ACSM2A: variants seen among roughly 807,000 people sequenced by gnomAD.
ACSM2A encodes the protein acyl-CoA synthetase medium chain family member 2A, also known as acyl-coenzyme A synthetase ACSM2A, mitochondrial.
A neutral mutation model predicts 76.6 loss-of-function variants in ACSM2A; 72 were observed. That is an observed-to-expected ratio of 0.94 (90% CI 0.78 to 1.14). ACSM2A has a LOEUF of 1.14. ACSM2A is among the 50% of genes most tolerant of loss of function. The pLI, the probability that ACSM2A is intolerant of heterozygous loss-of-function variation, is 0.00. For missense variants in ACSM2A, 684 were observed against 708.5 expected, an observed-to-expected ratio of 0.97 and a Z score of 0.39; for synonymous variants, 249 against 255.9, an observed-to-expected ratio of 0.97 and a Z score of 0.26.
At chr16:20,476,778 G>T in intron 8 of ACSM2A, 1 of 957,810 alleles carries the variant, frequency 1.0e-6, no homozygotes, top group Non-Finnish European at 1.3e-6. Context: ...TGTCAGTGAG[G>T]CATCCACCAC....
intron 10 of ACSM2A, among the ~76,000 whole-genome samples, chr16:20,480,267 A>G (rs1567375020): frequency 6.6e-6 from 1 of 152,224 alleles, no homozygotes; most frequent in Non-Finnish European, 1.5e-5. Flanking sequence ...TATCTATGAA[A>G]GGAGAGATGG....
At chr16:20,465,822 C>T (rs1672205340) in intron 3 of ACSM2A, 95 bp downstream of exon 3, 3 of 1,505,538 alleles carry the variant, frequency 2.0e-6, no homozygotes, top group Admixed American at 2.1e-5. Flanking sequence ...GAAGTCTCCT[C>T]CTTGGAGCAT....
intron 6 of ACSM2A, among the ~76,000 whole-genome samples, chr16:20,472,229 T>G (rs1313400466): frequency 6.6e-6 from 1 of 152,210 alleles, no homozygotes; most frequent in African/African-American, 2.4e-5. Context: ...TACCATAGTC[T>G]AGGTGGCTTA....
At chr16:20,485,486 G>A (rs148751903) in intron 13 of ACSM2A, among the ~76,000 whole-genome samples, 67 of 152,266 alleles carry the variant, frequency 4.4e-4, no homozygotes, top group African/African-American at 1.4e-3. Flanking sequence ...TCTACCCTTC[G>A]GGGCCCAAAT....
intron 11 of ACSM2A, 45 bp from the exon 12 acceptor site, chr16:20,480,777 G>C (rs1323765467): frequency 6.2e-7 from 1 of 1,613,770 alleles, no homozygotes; most frequent in South Asian, 1.1e-5. Flanking sequence ...GAATGGCCTA[G>C]AGGTTCGGTG....
At chr16:20,479,544 G>A (rs982670257) in intron 10 of ACSM2A, among the ~76,000 whole-genome samples, 12 of 152,244 alleles carry the variant, frequency 7.9e-5, no homozygotes, top group African/African-American at 2.9e-4. Context: ...TAAGTTGTGT[G>A]TCGTGAGTGT....
chr16:20,477,765 T>C (rs1239842487), intron 9 of ACSM2A, among the ~76,000 whole-genome samples: 2 of 152,176 alleles, frequency 1.3e-5, no homozygotes, highest in East Asian at 3.9e-4. Flanking sequence ...GTAACTAGCT[T>C]TTATCATTTA....
Position 20,471,158 on chromosome 16 carries a change from C to T in ACSM2A, c.682C>T (p.Pro228Ser). 1 of 1,613,042 alleles carries T rather than the reference C, an allele frequency of 6.2e-7. No individual in the cohort carries two copies. The highest frequency in any genetic ancestry group is 8.5e-7 in the Non-Finnish European group (1 of 1,179,202). ...IYFTSGTSGL[P>S]KMAEHSYSSL... is the part of the protein sequence containing the mutation. ...CTTCACTAGTGGGACCAGTGGTCTT[C>T]CCAAGATGGCAGAACATTCCTACTC... The change falls in exon 5 of 14, where the codon CCC becomes TCC. Residue 228 changes from proline to serine, a missense_variant. Pro to Ser is a moderately conservative substitution (Grantham distance 74). Transcript: ENST00000573854.
chr16:20,486,501 T>C (rs2014389122), intron 13 of ACSM2A, 73 bp from the exon 14 acceptor site: 5 of 1,544,724 alleles, frequency 3.2e-6, no homozygotes, highest in Non-Finnish European at 4.5e-6. Flanking sequence ...CCCCTCACCC[T>C]ACAGCAGTTC....
intron 1 of ACSM2A, 53 bp from the exon 2 acceptor site, chr16:20,460,054 G>C: frequency 6.5e-7 from 1 of 1,539,484 alleles, no homozygotes; most frequent in Non-Finnish European, 8.7e-7. Flanking sequence ...CTGATGATCA[G>C]TAGAGCAATC....
chr16:20,481,266 C>T (rs558712508), intron 12 of ACSM2A: 140 of 306,734 alleles, frequency 4.6e-4, no homozygotes, highest in African/African-American at 2.0e-3. Flanking sequence ...AGAAGATGTC[C>T]ACACTCCCAT....
Position 20,480,882 on chromosome 16 carries a change from G to A in ACSM2A, c.1470G>A (p.Glu490=), listed in dbSNP as rs1270137781. ...NALMEHPAVV[E]TAVISSPDPV... is the part of the protein sequence containing the mutation. ...TGATGGAGCACCCTGCTGTGGTTGAGACGGCTGTGATCAGCAGCCCAGACC... is the reference window on the plus strand; with the variant it reads ...TGATGGAGCACCCTGCTGTGGTTGAAACGGCTGTGATCAGCAGCCCAGACC... The change falls in exon 12 of 14, where the codon GAG becomes GAA. Residue 490 remains glutamate (E), a synonymous_variant. Transcript: ENST00000573854. 1 of 1,613,960 alleles carries A rather than the reference G, an allele frequency of 6.2e-7. No homozygotes were observed. The highest frequency in any genetic ancestry group is 1.7e-5 in the Admixed American group (1 of 60,012).
chr16:20,466,231 C>T (rs551001864), intron 3 of ACSM2A, among the ~76,000 whole-genome samples: 12 of 152,106 alleles, frequency 7.9e-5, no homozygotes, highest in East Asian at 7.7e-4. Context: ...ACTATTTGGC[C>T]CTTTGCAGAA....
In ACSM2A at chr16:20,469,631, G is replaced by C. The variant is rs757620051; in HGVS notation, c.508G>C (p.Val170Leu). The part of the protein sequence containing the change: ...GDEVIQEVDT[V>L]ASECPSLRIK... Reference sequence around the variant, plus strand: ...TGAAGTCATCCAAGAAGTGGACACAGTGGCATCTGAATGTCCTTCTCTGAG... The same window carrying C: ...TGAAGTCATCCAAGAAGTGGACACACTGGCATCTGAATGTCCTTCTCTGAG... The change falls in exon 4 of 14, where the codon GTG becomes CTG. Residue 170 changes from valine to leucine, a missense_variant. Val to Leu is a conservative substitution (Grantham distance 32, BLOSUM62 1). This residue lies in a region of ACSM2A where 519 missense variants were observed against 549.5 expected (regional missense o/e 0.94). Transcript: ENST00000573854. 1.2e-6 allele frequency: 2 copies of C among 1,613,928 alleles called. No homozygotes were observed. Among genetic ancestry groups the C allele is most frequent in the Non-Finnish European group, 1.7e-6 (2 of 1,179,834 alleles).
intron 1 of ACSM2A, chr16:20,452,170 C>T (rs1297822967): frequency 1.3e-5 from 2 of 151,772 alleles, no homozygotes; most frequent in African/African-American, 4.9e-5. Flanking sequence ...AGTGTTGATC[C>T]TGGATGTGTC....
chr16:20,481,254 CAAG>C (rs941698349), intron 12 of ACSM2A: 3 of 325,402 alleles, frequency 9.2e-6, no homozygotes, highest in South Asian at 4.5e-5. Flanking sequence ...ATCAGCATAT[CAAG>C]AAGATGTCCA....
chr16:20,458,634 G>C (rs1366418815), intron 1 of ACSM2A, among the ~76,000 whole-genome samples: 1 of 140,058 alleles, frequency 7.1e-6, no homozygotes, highest in Non-Finnish European at 1.5e-5. Flanking sequence ...CCACACTCCT[G>C]TGCCTTTCTT....
intron 4 of ACSM2A, 100 bp from the exon 5 acceptor site, chr16:20,470,973 T>C: frequency 1.3e-6 from 2 of 1,485,110 alleles, no homozygotes; most frequent in East Asian, 4.6e-5. Context: ...GTCCATCAAC[T>C]TGCCCTTTTC....
chr16:20,471,730 C>T (rs769139968), intron 6 of ACSM2A, 41 bp downstream of exon 6: 1 of 1,583,860 alleles, frequency 6.3e-7, no homozygotes, highest in Non-Finnish European at 8.6e-7. Context: ...TCAGAGTGAG[C>T]CCGAGGTTTG....
Sources: allele counts gnomAD v4.1 joint callset (sites outside exome capture counted in the v4.1 genomes callset), GRCh38; gene constraint gnomAD v4.1.1; regional missense constraint gnomAD v4.1.1; transcripts MANE v1.5; gene names NCBI Gene and HGNC (gene_info 2026-07-23, HGNC 2026-07-21).